Variants in RAB19 observed in about 807,000 individuals in gnomAD.
The protein encoded by RAB19 is ras-related protein Rab-19.
Under a neutral mutation model 17.3 loss-of-function variants are expected in RAB19, and 21 were observed. The ratio of observed to expected loss-of-function variants is 1.21; its 90% CI spans 0.86 to 1.74. The LOEUF is 1.74. Ranked by LOEUF, RAB19 falls within the 40% of genes most tolerant of loss-of-function variation. The pLI, the probability that RAB19 is intolerant of heterozygous loss-of-function variation, is 0.00. For missense variants in RAB19, 277 were observed against 286.8 expected (o/e 0.97, Z 0.25); for synonymous variants, 126 against 110.4 (o/e 1.14, Z -0.88).
At chr7:140,413,328 G>A (rs1799400565) in intron 3 of RAB19, among the ~76,000 whole-genome samples, 1 of 152,088 alleles carries the variant, frequency 6.6e-6, no homozygotes, top group African/African-American at 2.4e-5. Flanking sequence ...CCTCTAGGTT[G>A]GTTCTTTTTG....
Position 140,427,517 on chromosome 7 carries a change from C to A in RAB19, c.*1367C>A, listed in dbSNP as rs894569632. Among the ~76,000 whole-genome samples the A allele has an allele frequency of 4.8e-5, 7 of 146,732 alleles. No homozygotes were observed. The highest frequency in any genetic ancestry group is 1.8e-4 in the African/African-American group (7 of 39,494). Reference sequence around the variant, plus strand: ...CCCAGGCTGGAGTGCAATGGTGTGACCTCGGCTCACTGCAACTTCTGCCTT... The same window carrying A: ...CCCAGGCTGGAGTGCAATGGTGTGAACTCGGCTCACTGCAACTTCTGCCTT... On this transcript the variant is annotated 3_prime_UTR_variant, in exon 4 of 4. Transcript: ENST00000537763.
At chr7:140,423,237 C>A (rs1248425287) in intron 3 of RAB19, among the ~76,000 whole-genome samples, 1 of 152,014 alleles carries the variant, frequency 6.6e-6, no homozygotes. Context: ...GTCGGGAGTT[C>A]AAGGCCAGCC....
At chr7:140,409,835 T>C (rs976827470) in intron 2 of RAB19, among the ~76,000 whole-genome samples, 2 of 150,626 alleles carry the variant, frequency 1.3e-5, no homozygotes, top group Non-Finnish European at 3.0e-5. Context: ...CTACTAAAAA[T>C]ACAAAAAATC....
At chr7:140,415,828 C>T (rs921742270) in intron 3 of RAB19, among the ~76,000 whole-genome samples, 2 of 151,978 alleles carry the variant, frequency 1.3e-5, no homozygotes, top group African/African-American at 4.8e-5. Context: ...TTGCTTGAAC[C>T]CGGGAGGCGG....
chr7:140,427,813 T>C lies in RAB19; in HGVS notation c.*1663T>C, dbSNP rs1799696336. ...CTACGTTGCCCAGGCTGGTCTCCAA[T>C]TCCTGAGCTCACAGGTTTCTCCCAC... On this transcript the variant is annotated 3_prime_UTR_variant, in exon 4 of 4. Coordinates refer to ENST00000537763, the MANE Select transcript of RAB19 (RefSeq NM_001008749.3). Among the ~76,000 whole-genome samples the C allele has an allele frequency of 6.7e-6, 1 of 149,200 alleles. No homozygotes were observed. The highest frequency in any genetic ancestry group is 6.7e-5 in the Admixed American group (1 of 14,992).
intron 2 of RAB19, among the ~76,000 whole-genome samples, chr7:140,410,025 A>G (rs1455239131): frequency 6.6e-6 from 1 of 150,916 alleles, no homozygotes; most frequent in Non-Finnish European, 1.5e-5. Flanking sequence ...TAATAAATAA[A>G]AATTTAAAAA....
At chr7:140,406,326 T>C (rs111342365) in intron 1 of RAB19, among the ~76,000 whole-genome samples, 10,591 of 151,336 alleles carry the variant, frequency 0.07, 503 homozygotes, top group Non-Finnish European at 0.1. Flanking sequence ...AGTTAGTTTG[T>C]GAAACACTGT....
chr7:140,410,143 T>C (rs958040621), intron 2 of RAB19, among the ~76,000 whole-genome samples: 141 of 151,600 alleles, frequency 9.3e-4, no homozygotes, highest in Non-Finnish European at 8.1e-4. Context: ...TCTTTTTTTA[T>C]GTTTTTGAGA....
chr7:140,426,244 A>G lies in RAB19; in HGVS notation c.*94A>G. On this transcript the variant is annotated 3_prime_UTR_variant, in exon 4 of 4. Coordinates refer to ENST00000537763, the MANE Select transcript of RAB19 (RefSeq NM_001008749.3). The stretch of plus-strand genomic sequence containing the variant: ...TAGTGTTGCCCCAGTGGCGCTTTAG[A>G]CCCCAGCGTGGACTTGCCGCTCACC... The G allele has an allele frequency of 2.8e-6, 4 of 1,452,430 alleles. No homozygotes were observed. The East Asian group carries it at 9.5e-5, about 35-fold the overall frequency. 90.0% of individuals were successfully genotyped at this position (1,452,430 alleles called of 1,614,324 possible).
chr7:140,418,486 G>A (rs186319226), intron 3 of RAB19, among the ~76,000 whole-genome samples: 2 of 151,018 alleles, frequency 1.3e-5, no homozygotes, highest in African/African-American at 4.9e-5. Context: ...TGAGGCAGGA[G>A]AATTGCTTGA....
At position 140,407,880 on chromosome 7, in the gene RAB19, C is replaced by CTT. The variant is rs71170993; in HGVS notation, c.201+58_201+59dup. On this transcript the variant is annotated intron_variant, in intron 2 of 3. Coordinates refer to ENST00000537763, the MANE Select transcript of RAB19 (RefSeq NM_001008749.3). Reference sequence around the variant, plus strand: ...GGCACCGGGACGGGACTGGTTCCACCTTTTTTTTTTTTTTTTTTTTTTTTT... The same window carrying CTT: ...GGCACCGGGACGGGACTGGTTCCACCTTTTTTTTTTTTTTTTTTTTTTTTTTT... 6.2e-3 allele frequency: 3,917 copies of CTT among 636,708 alleles called. 3 individuals are homozygous for CTT. The highest frequency in any genetic ancestry group is 0.017 in the South Asian group (871 of 51,302). 39.4% of individuals were successfully genotyped at this position (636,708 alleles called of 1,614,324 possible).
At chr7:140,424,619 CTATA>C (rs369975658) in intron 3 of RAB19, among the ~76,000 whole-genome samples, 4,219 of 87,780 alleles carry the variant, frequency 0.048, 93 homozygotes, top group Admixed American at 0.1. Flanking sequence ...CTCTCTCTCT[CTATA>C]TATATATATA....
intron 3 of RAB19, among the ~76,000 whole-genome samples, chr7:140,421,262 G>A (rs1004309618): frequency 2.0e-5 from 3 of 152,062 alleles, no homozygotes; most frequent in Admixed American, 1.3e-4. Flanking sequence ...TGCCATCCTA[G>A]CTTACAGCAG....
intron 3 of RAB19, among the ~76,000 whole-genome samples, chr7:140,418,887 C>T (rs1799510760): frequency 6.6e-6 from 1 of 151,522 alleles, no homozygotes; most frequent in Non-Finnish European, 1.5e-5. Context: ...TATTGCCAGC[C>T]CACTCTTCTC....
chr7:140,413,729 A>G (rs1459769908), intron 3 of RAB19, among the ~76,000 whole-genome samples: 2 of 152,016 alleles, frequency 1.3e-5, no homozygotes, highest in African/African-American at 4.8e-5. Flanking sequence ...AAATAATAAA[A>G]GGCAACTGTT....
intron 3 of RAB19, among the ~76,000 whole-genome samples, chr7:140,417,018 G>A (rs1247168764): frequency 2.7e-5 from 4 of 150,930 alleles, no homozygotes; most frequent in Non-Finnish European, 4.4e-5. Flanking sequence ...TTGAGGTCAG[G>A]AGTTTGAGAC....
rs1410292583 is a variant in RAB19, at chr7:140,427,163, G to A, written c.*1013G>A. 5.1e-5 allele frequency among the ~76,000 whole-genome samples: 2 copies of A among 39,078 alleles called. No homozygotes were observed. Among genetic ancestry groups the A allele is most frequent in the African/African-American group, 1.8e-4 (2 of 11,116 alleles). The allele number at this position is 39,078 out of a possible 152,430, so 25.6% of individuals were successfully genotyped here. A position where few individuals can be genotyped will look rare whatever the true frequency, so the allele number is the denominator to read the frequency against. On this transcript the variant is annotated 3_prime_UTR_variant, in exon 4 of 4. Coordinates refer to ENST00000537763, the MANE Select transcript of RAB19 (RefSeq NM_001008749.3). ...GTTCTTTTTTTTTTTTTTTTTTTTT[G>A]AGACTGAGTCTCACTCTGTCACTCA...
At chr7:140,411,810 G>T in intron 2 of RAB19, 64 bp from the exon 3 acceptor site, 1 of 1,613,440 alleles carries the variant, frequency 6.2e-7, no homozygotes, top group Non-Finnish European at 8.5e-7. Flanking sequence ...GAAGATGTAG[G>T]TGAAGGAGTT....
At chr7:140,407,506 G>T in intron 1 of RAB19, 118 bp from the exon 2 acceptor site, 3 of 681,758 alleles carry the variant, frequency 4.4e-6, no homozygotes, top group Non-Finnish European at 2.6e-6. Context: ...TGCCCGACTA[G>T]CATCATTAGC....
Sources: gnomAD v4.1 joint callset for allele counts (sites outside exome capture counted in the v4.1 genomes callset) on GRCh38, gnomAD v4.1.1 for gene constraint, MANE v1.5 for transcripts, NCBI Gene and HGNC (gene_info 2026-07-23, HGNC 2026-07-21) for gene names.